CWC27: variants seen among roughly 807,000 people sequenced by gnomAD.
The protein encoded by CWC27 is CWC27 spliceosome associated cyclophilin.
CWC27 carries 47 observed loss-of-function variants against 63.6 expected under a neutral mutation model. That is an observed-to-expected ratio of 0.74 (90% CI 0.58 to 0.94). The LOEUF (loss-of-function observed/expected upper bound fraction) is 0.94. CWC27 is among the 40% of genes least tolerant of loss of function. The pLI, the probability that CWC27 is intolerant of heterozygous loss-of-function variation, is 0.00. For synonymous variants in CWC27, 175 were observed against 179.8 expected (o/e 0.97, Z 0.22); for missense variants, 495 against 554.3 (o/e 0.89, Z 1.07).
At chr5:64,835,785 T>C (rs1201978795) in intron 10 of CWC27, among the ~76,000 whole-genome samples, 1 of 151,856 alleles carries the variant, frequency 6.6e-6, no homozygotes, top group African/African-American at 2.4e-5. Context: ...TATCTTCATG[T>C]TTTATATTTT....
At chr5:64,818,261 T>C (rs1051093458) in intron 10 of CWC27, among the ~76,000 whole-genome samples, 5 of 152,286 alleles carry the variant, frequency 3.3e-5, no homozygotes, top group African/African-American at 9.6e-5. Context: ...ATGTATGTAC[T>C]CAATAGATAG....
chr5:64,787,764 T>A (rs1743938417), intron 6 of CWC27, among the ~76,000 whole-genome samples: 1 of 152,108 alleles, frequency 6.6e-6, no homozygotes, highest in African/African-American at 2.4e-5. Context: ...TTATTAGAGA[T>A]TTTATTGTAA....
At chr5:64,958,725 C>T (rs773149695) in intron 11 of CWC27, among the ~76,000 whole-genome samples, 1 of 152,014 alleles carries the variant, frequency 6.6e-6, no homozygotes, top group Non-Finnish European at 1.5e-5. Context: ...CTCAAATTCT[C>T]TAATGGAAAA....
At chr5:64,996,987 T>A (rs147695148) in intron 13 of CWC27, among the ~76,000 whole-genome samples, 3 of 152,258 alleles carry the variant, frequency 2.0e-5, no homozygotes, top group African/African-American at 7.2e-5. Context: ...ACAAATGACT[T>A]CAGGACTTAA....
chr5:64,911,421 G>T (rs1747783401), intron 11 of CWC27, among the ~76,000 whole-genome samples: 1 of 152,140 alleles, frequency 6.6e-6, no homozygotes, highest in Admixed American at 6.6e-5. Flanking sequence ...TTCAGGAAAG[G>T]CAGACCACAT....
chr5:64,847,666 ATAT>A (rs1746025268), intron 10 of CWC27, among the ~76,000 whole-genome samples: 1 of 152,226 alleles, frequency 6.6e-6, no homozygotes, highest in African/African-American at 2.4e-5. Flanking sequence ...GATTCAAATT[ATAT>A]TAAGTATATT....
chr5:64,850,193 AGTT>A (rs1181379899), intron 10 of CWC27, among the ~76,000 whole-genome samples: 1 of 150,232 alleles, frequency 6.7e-6, no homozygotes, highest in East Asian at 2.0e-4. Flanking sequence ...TATACTACAA[AGTT>A]GTAGTAATTA....
chr5:64,792,236 A>C (rs562443196), intron 7 of CWC27, among the ~76,000 whole-genome samples: 27 of 152,130 alleles, frequency 1.8e-4, no homozygotes, highest in Non-Finnish European at 3.2e-4. Flanking sequence ...AAAATTAAGA[A>C]TCCTAGGCCT....
intron 11 of CWC27, among the ~76,000 whole-genome samples, chr5:64,922,116 C>T (rs546924521): frequency 2.0e-5 from 3 of 152,248 alleles, no homozygotes; most frequent in African/African-American, 7.2e-5. Context: ...AATCTCATGA[C>T]TGTGTCTTAC....
intron 13 of CWC27, among the ~76,000 whole-genome samples, chr5:64,984,586 C>T (rs545175395): frequency 1.4e-3 from 211 of 152,132 alleles, no homozygotes; most frequent in Non-Finnish European, 2.3e-3. Context: ...ACTTGCTTGC[C>T]TTCTGTATTT....
chr5:64,880,630 T>C (rs1346877513), intron 10 of CWC27, among the ~76,000 whole-genome samples: 5 of 152,004 alleles, frequency 3.3e-5, no homozygotes, highest in South Asian at 4.1e-4. Flanking sequence ...ATAAAGCTAC[T>C]GTAATTTCTA....
chr5:64,849,201 A>G (rs1417531937), intron 10 of CWC27, among the ~76,000 whole-genome samples: 2 of 151,286 alleles, frequency 1.3e-5, no homozygotes, highest in Non-Finnish European at 2.9e-5. Flanking sequence ...AAAAGAAATC[A>G]AAAGAACACT....
intron 10 of CWC27, among the ~76,000 whole-genome samples, chr5:64,814,774 TA>T (rs1390634762): frequency 2.0e-5 from 3 of 152,158 alleles, no homozygotes; most frequent in African/African-American, 7.2e-5. Context: ...TATTATAATA[TA>T]ACTCTTTGTA....
intron 11 of CWC27, among the ~76,000 whole-genome samples, chr5:64,887,213 G>A (rs555698577): frequency 1.3e-5 from 2 of 151,868 alleles, no homozygotes; most frequent in African/African-American, 4.8e-5. Context: ...TACAGGTAAG[G>A]CCTATATTAG....
intron 11 of CWC27, among the ~76,000 whole-genome samples, chr5:64,967,647 A>G (rs1212035793): frequency 1.3e-5 from 2 of 152,038 alleles, no homozygotes; most frequent in Non-Finnish European, 2.9e-5. Flanking sequence ...TTTTCAAGAA[A>G]GGTGCCAAGG....
At chr5:64,988,507 A>G (rs192448329) in intron 13 of CWC27, among the ~76,000 whole-genome samples, 2 of 152,198 alleles carry the variant, frequency 1.3e-5, no homozygotes, top group East Asian at 3.9e-4. Context: ...TTTGGTTTCA[A>G]TCTTAGTCTT....
intron 13 of CWC27, among the ~76,000 whole-genome samples, chr5:65,006,834 G>T (rs548031113): frequency 6.6e-6 from 1 of 152,048 alleles, no homozygotes; most frequent in African/African-American, 2.4e-5. Context: ...AAAGATAACT[G>T]TTAGGTATTG....
At chr5:64,784,139 A>G (rs2112166667) in intron 4 of CWC27, among the ~76,000 whole-genome samples, 160 bp downstream of exon 4, 1 of 152,316 alleles carries the variant, frequency 6.6e-6, no homozygotes, top group Admixed American at 6.5e-5. Context: ...ATATATTCCT[A>G]ATATAGTGCA....
intron 13 of CWC27, among the ~76,000 whole-genome samples, chr5:65,012,386 T>C (rs1749976726): frequency 6.6e-6 from 1 of 152,248 alleles, no homozygotes; most frequent in Admixed American, 6.5e-5. Flanking sequence ...GTAAAGATGC[T>C]ACCAGACAAC....
Sources: gnomAD v4.1 joint callset for allele counts (sites outside exome capture counted in the v4.1 genomes callset) on GRCh38, gnomAD v4.1.1 for gene constraint, MANE v1.5 for transcripts, NCBI Gene and HGNC (gene_info 2026-07-23, HGNC 2026-07-21) for gene names.